RGS6: variants seen among roughly 807,000 people sequenced by gnomAD.
RGS6 encodes regulator of G-protein signaling 6.
Under a neutral mutation model 78.5 loss-of-function variants are expected in RGS6, and 30 were observed. The observed-to-expected ratio is 0.38, with a 90% CI of 0.29 to 0.52. The LOEUF (loss-of-function observed/expected upper bound fraction) is 0.52, where lower values mean the gene tolerates loss of function less well. RGS6 is among the 20% of genes least tolerant of loss of function. The pLI is 0.85. For missense variants in RGS6, 495 were observed against 609.7 expected (o/e 0.81, Z 1.98); for synonymous variants, 206 against 206.0 (o/e 1.00, Z 0.00).
chr14:71,936,034 A>ATATATATATG (rs1208396579), intron 1 of RGS6, among the ~76,000 whole-genome samples: 1 of 124,070 alleles, frequency 8.1e-6, no homozygotes, highest in Non-Finnish European at 1.7e-5. Context: ...ATATATATAT[A>ATATATATATG]TATATATGTA....
chr14:72,471,621 G>A (rs2096077819), intron 8 of RGS6, among the ~76,000 whole-genome samples: 1 of 152,200 alleles, frequency 6.6e-6, no homozygotes, highest in Admixed American at 6.5e-5. Flanking sequence ...AGTGACCTGA[G>A]GCCATCTGGT....
chr14:72,483,139 CA>C (rs1440115974), intron 12 of RGS6, among the ~76,000 whole-genome samples: 1 of 152,166 alleles, frequency 6.6e-6, no homozygotes, highest in Admixed American at 6.5e-5. Flanking sequence ...TAGCACTTGA[CA>C]AACCAACTTT....
intron 2 of RGS6, among the ~76,000 whole-genome samples, chr14:72,221,090 C>G (rs573724480): frequency 6.6e-6 from 1 of 152,302 alleles, no homozygotes; most frequent in East Asian, 1.9e-4. Flanking sequence ...ATCTTATTAC[C>G]TCTACTTATC....
intron 10 of RGS6, among the ~76,000 whole-genome samples, chr14:72,476,476 G>A (rs993850632): frequency 5.9e-5 from 9 of 152,178 alleles, no homozygotes; most frequent in African/African-American, 2.2e-4. Flanking sequence ...GGTGGTCTAT[G>A]GACCATATTT....
chr14:72,320,503 G>A (rs1043551529), intron 2 of RGS6, among the ~76,000 whole-genome samples: 4 of 152,042 alleles, frequency 2.6e-5, no homozygotes, highest in East Asian at 1.9e-4. Flanking sequence ...GCGTGAACCC[G>A]AGAGGCAGAG....
In RGS6 at chr14:72,537,589, G is replaced by A. The variant is rs974270084; in HGVS notation, c.1368+1314G>A. 5.4e-5 allele frequency: 38 copies of A among 702,188 alleles called. No homozygotes were observed. The African/African-American group carries it at 5.8e-4, about 11-fold the overall frequency. The allele number at this position is 702,188 out of a possible 1,614,324, so 43.5% of individuals were successfully genotyped here. ...TCCCCTGCTGGAGGATGCCAATGGA[G>A]GGGCTCCTTTGGAGGAGGCCGACAC... On this transcript the variant is annotated intron_variant, in intron 16 of 17. Coordinates refer to ENST00000553525, the MANE Select transcript of RGS6 (RefSeq NM_001204424.2).
chr14:72,007,513 C>T (rs564630331), intron 2 of RGS6, among the ~76,000 whole-genome samples: 11 of 152,326 alleles, frequency 7.2e-5, no homozygotes, highest in South Asian at 6.2e-4. Context: ...TGGCTTTGAA[C>T]GTGGCCCAAC....
chr14:72,319,989 CTG>C (rs527523219), intron 2 of RGS6, among the ~76,000 whole-genome samples: 2 of 152,148 alleles, frequency 1.3e-5, no homozygotes, highest in Non-Finnish European at 2.9e-5. Flanking sequence ...CAATACTACT[CTG>C]TATTATAGAT....
At chr14:71,981,903 T>C (rs1249446271) in intron 2 of RGS6, among the ~76,000 whole-genome samples, 2 of 149,738 alleles carry the variant, frequency 1.3e-5, no homozygotes, top group African/African-American at 4.9e-5. Flanking sequence ...CGCCTTGCAG[T>C]TTGATCTCAG....
intron 2 of RGS6, among the ~76,000 whole-genome samples, chr14:72,067,116 A>C (rs2094189535): frequency 1.3e-5 from 2 of 152,174 alleles, no homozygotes; most frequent in Admixed American, 6.5e-5. Context: ...GTGCTGCAAT[A>C]AACATACGTG....
intron 15 of RGS6, among the ~76,000 whole-genome samples, chr14:72,534,337 T>G (rs1045379499): frequency 1.3e-5 from 2 of 152,248 alleles, no homozygotes; most frequent in Non-Finnish European, 2.9e-5. Flanking sequence ...AACATAACTT[T>G]TATGTGTACT....
At chr14:72,292,968 C>T (rs923013232) in intron 2 of RGS6, among the ~76,000 whole-genome samples, 2 of 152,204 alleles carry the variant, frequency 1.3e-5, no homozygotes, top group Non-Finnish European at 2.9e-5. Flanking sequence ...GGCTCTTTCT[C>T]ATCCCTGAAG....
At chr14:71,990,891 A>G in intron 2 of RGS6, 2 of 455,600 alleles carry the variant, frequency 4.4e-6, no homozygotes, top group Admixed American at 2.3e-5. Flanking sequence ...TCTGAGCTTC[A>G]GTGCTTGGTG....
intron 14 of RGS6, among the ~76,000 whole-genome samples, chr14:72,518,075 A>T (rs926952682): frequency 9.9e-5 from 15 of 152,242 alleles, no homozygotes; most frequent in African/African-American, 3.6e-4. Flanking sequence ...AATAGTGCTG[A>T]GGTTGAGAAA....
intron 2 of RGS6, among the ~76,000 whole-genome samples, chr14:72,335,482 C>G (rs1004642717): frequency 1.3e-5 from 2 of 152,142 alleles, no homozygotes; most frequent in Admixed American, 1.3e-4. Flanking sequence ...AAAAGTGACT[C>G]CCAGGGACAG....
chr14:72,411,322 C>T (rs2093397369), intron 3 of RGS6, among the ~76,000 whole-genome samples: 2 of 152,136 alleles, frequency 1.3e-5, no homozygotes, highest in Admixed American at 6.5e-5. Context: ...ATTTTATTCT[C>T]TTTGAAGCAA....
intron 3 of RGS6, among the ~76,000 whole-genome samples, chr14:72,446,841 C>A (rs990581199): frequency 8.5e-5 from 13 of 152,102 alleles, no homozygotes; most frequent in African/African-American, 2.9e-4. Context: ...AGGGTTCATG[C>A]TCCTGTGAGA....
intron 2 of RGS6, among the ~76,000 whole-genome samples, chr14:72,302,512 C>G (rs1343051766): frequency 6.6e-6 from 1 of 152,212 alleles, no homozygotes; most frequent in African/African-American, 2.4e-5. Context: ...GTTTATCAAA[C>G]TTTTCCCCCT....
At chr14:72,253,837 A>G (rs1411051491) in intron 2 of RGS6, among the ~76,000 whole-genome samples, 12 of 152,154 alleles carry the variant, frequency 7.9e-5, no homozygotes, top group Admixed American at 7.9e-4. Flanking sequence ...GTTTAAAACC[A>G]CTAAGATGTA....
Sources: allele counts gnomAD v4.1 joint callset (sites outside exome capture counted in the v4.1 genomes callset), GRCh38; gene constraint gnomAD v4.1.1; transcripts MANE v1.5; gene names NCBI Gene and HGNC (gene_info 2026-07-23, HGNC 2026-07-21).